Variants in DPP6 observed in about 807,000 individuals in gnomAD.
DPP6 encodes dipeptidyl peptidase like 6, also known as A-type potassium channel modulatory protein DPP6.
A neutral mutation model predicts 122.6 loss-of-function variants in DPP6; 69 were observed. The observed-to-expected ratio is 0.56, with a 90% CI of 0.46 to 0.69. The LOEUF is 0.69. Ranked by LOEUF, DPP6 falls within the 30% of genes least tolerant of loss-of-function variation. DPP6 has a pLI of 0.00. For synonymous variants in DPP6, 418 were observed against 433.1 expected (o/e 0.97, Z 0.43); for missense variants, 928 against 1,116.9 (o/e 0.83, Z 2.41).
chr7:153,950,927 G>A lies in DPP6; in HGVS notation c.51+63193G>A, dbSNP rs189407366. On this transcript the variant is annotated intron_variant, in intron 1 of 25. Transcript: ENST00000404039. ...ATGCAAGCCACGTAGGTGTGCGTGC[G>A]GTGCCCTAGGGAGAGAAGACAGGAT... 2.6e-3 allele frequency among the ~76,000 whole-genome samples: 393 copies of A among 152,280 alleles called. 2 individuals carry two copies. The highest frequency in any genetic ancestry group is 9.1e-3 in the African/African-American group (376 of 41,544).
At chr7:153,903,896 A>G (rs1289339693) in intron 1 of DPP6, among the ~76,000 whole-genome samples, 3 of 152,194 alleles carry the variant, frequency 2.0e-5, no homozygotes, top group African/African-American at 7.2e-5. Context: ...AGAAGCAGGA[A>G]GAGGACTGAG....
chr7:154,453,852 T>C (rs538788618), intron 2 of DPP6, among the ~76,000 whole-genome samples: 1 of 152,354 alleles, frequency 6.6e-6, no homozygotes, highest in South Asian at 2.1e-4. Flanking sequence ...TTCATAGTTG[T>C]ATTTTAGATT....
intron 1 of DPP6, among the ~76,000 whole-genome samples, chr7:154,364,968 C>G (rs1296597670): frequency 1.3e-5 from 2 of 152,166 alleles, no homozygotes; most frequent in African/African-American, 4.8e-5. Flanking sequence ...TTTGCCCCAG[C>G]ACTCAGATGA....
intron 2 of DPP6, among the ~76,000 whole-genome samples, chr7:154,469,638 G>T (rs1822089875): frequency 6.6e-6 from 1 of 152,132 alleles, no homozygotes; most frequent in African/African-American, 2.4e-5. Flanking sequence ...ATCTCTTGAT[G>T]GTACAGCATG....
chr7:153,953,694 C>T (rs943057447), intron 1 of DPP6, among the ~76,000 whole-genome samples: 5 of 152,136 alleles, frequency 3.3e-5, no homozygotes, highest in African/African-American at 1.2e-4. Flanking sequence ...GGTTTCTTGG[C>T]TATACTGTTA....
chr7:154,507,797 C>A (rs936790100), intron 3 of DPP6, among the ~76,000 whole-genome samples: 1 of 152,088 alleles, frequency 6.6e-6, no homozygotes, highest in Non-Finnish European at 1.5e-5. Context: ...AGTGAGGAAG[C>A]CAGTGATGAT....
chr7:154,000,804 C>A (rs538875225), intron 1 of DPP6, among the ~76,000 whole-genome samples: 1 of 152,246 alleles, frequency 6.6e-6, no homozygotes, highest in South Asian at 2.1e-4. Context: ...TGCGACCTCT[C>A]TTTTCTAGGC....
At chr7:153,850,286 A>C in the DPP6 span, among the ~76,000 whole-genome samples, 41 of 152,160 alleles carry the variant, frequency 2.7e-4, no homozygotes, top group East Asian at 7.6e-3. Context: ...TAATGGTGGC[A>C]TTCACTTCCT....
At chr7:154,090,114 C>T (rs1284620627) in intron 1 of DPP6, among the ~76,000 whole-genome samples, 2 of 152,144 alleles carry the variant, frequency 1.3e-5, no homozygotes, top group Non-Finnish European at 2.9e-5. Context: ...GGCATGGGGC[C>T]ATGGAACTTG....
At position 154,691,236 on chromosome 7, in the gene DPP6, A is replaced by G. The variant is rs191315678; in HGVS notation, c.762+21795A>G. Reference sequence around the variant, plus strand: ...AACATTGAAACATAAAGTTGAGGACATTGCTCTGTTTTCAATTCTCTCAAA... The same window carrying G: ...AACATTGAAACATAAAGTTGAGGACGTTGCTCTGTTTTCAATTCTCTCAAA... On this transcript the variant is annotated intron_variant, in intron 7 of 25. Coordinates refer to ENST00000377770, the MANE Select transcript of DPP6 (RefSeq NM_130797.4). 1.4e-3 allele frequency among the ~76,000 whole-genome samples: 212 copies of G among 152,242 alleles called. 1 individual carries two copies. Among genetic ancestry groups the G allele is most frequent in the African/African-American group, 4.8e-3 (201 of 41,550 alleles).
intron 5 of DPP6, among the ~76,000 whole-genome samples, chr7:154,581,117 G>T (rs1176486236): frequency 2.0e-5 from 3 of 152,158 alleles, no homozygotes; most frequent in African/African-American, 7.2e-5. Flanking sequence ...GGTTAGGGAA[G>T]CAAAGGAACT....
At chr7:154,505,867 A>C (rs944306648) in intron 3 of DPP6, among the ~76,000 whole-genome samples, 1 of 152,172 alleles carries the variant, frequency 6.6e-6, no homozygotes, top group Non-Finnish European at 1.5e-5. Flanking sequence ...GGAAGTCACT[A>C]TGCATAGCCC....
At chr7:154,440,875 C>G (rs890409342) in intron 1 of DPP6, among the ~76,000 whole-genome samples, 1 of 152,132 alleles carries the variant, frequency 6.6e-6, no homozygotes, top group African/African-American at 2.4e-5. Flanking sequence ...TCCCCGGGGT[C>G]CCTGCTGTGC....
chr7:154,286,868 C>G (rs1804889264), intron 1 of DPP6, among the ~76,000 whole-genome samples: 1 of 151,154 alleles, frequency 6.6e-6, no homozygotes, highest in Non-Finnish European at 1.5e-5. Flanking sequence ...TGCAGTGGAG[C>G]TATCTTGGCT....
At chr7:154,055,978 A>G (rs1585243196) in intron 1 of DPP6, 2 of 152,244 alleles carry the variant, frequency 1.3e-5, no homozygotes, top group South Asian at 4.1e-4. Flanking sequence ...GTACACCTAC[A>G]TGCCTGAGCA....
chr7:154,035,824 G>A (rs1427636842), intron 1 of DPP6, among the ~76,000 whole-genome samples: 1 of 152,174 alleles, frequency 6.6e-6, no homozygotes, highest in African/African-American at 2.4e-5. Context: ...TTACATAGTA[G>A]TACCGTATAT....
intron 1 of DPP6, among the ~76,000 whole-genome samples, chr7:154,062,976 C>G (rs1802227639): frequency 1.5e-5 from 2 of 131,020 alleles, no homozygotes; most frequent in African/African-American, 5.6e-5. Context: ...AGGTACCTTA[C>G]GTGGAATTAC....
chr7:154,751,115 G>T (rs1421019673), intron 8 of DPP6, among the ~76,000 whole-genome samples: 1 of 152,180 alleles, frequency 6.6e-6, no homozygotes, highest in Admixed American at 6.5e-5. Context: ...AGATGGATGT[G>T]CTGGGAGGAA....
intron 1 of DPP6, among the ~76,000 whole-genome samples, chr7:153,940,534 G>T (rs995393772): frequency 6.6e-6 from 1 of 152,138 alleles, no homozygotes; most frequent in Non-Finnish European, 1.5e-5. Flanking sequence ...TCCCAGAGAG[G>T]TGAGCTGATT....
Sources: allele counts gnomAD v4.1 joint callset (sites outside exome capture counted in the v4.1 genomes callset), GRCh38; gene constraint gnomAD v4.1.1; transcripts MANE v1.5; gene names NCBI Gene and HGNC (gene_info 2026-07-23, HGNC 2026-07-21).